AFAP1L2: variants seen among roughly 807,000 people sequenced by gnomAD.
AFAP1L2 encodes actin filament associated protein 1 like 2.
In AFAP1L2, 46 loss-of-function variants were observed where a neutral mutation model predicts 99.3. The observed-to-expected ratio is 0.46, with a 90% CI of 0.37 to 0.59. AFAP1L2 has a LOEUF of 0.59. AFAP1L2 is among the 20% of genes least tolerant of loss of function. AFAP1L2 has a pLI of 0.00. For synonymous variants in AFAP1L2, 397 were observed against 419.1 expected (o/e 0.95, Z 0.64); for missense variants, 959 against 1,034.9 (o/e 0.93, Z 1.01).
chr10:114,303,540 C>T (rs1373170024), intron 11 of AFAP1L2, among the ~76,000 whole-genome samples: 1 of 152,218 alleles, frequency 6.6e-6, no homozygotes, highest in Non-Finnish European at 1.5e-5. Flanking sequence ...CTCCTGACCT[C>T]GGGTGATCCA....
intron 1 of AFAP1L2, among the ~76,000 whole-genome samples, chr10:114,341,730 C>G (rs2048858408): frequency 6.6e-6 from 1 of 152,212 alleles, no homozygotes; most frequent in African/African-American, 2.4e-5. Flanking sequence ...CTGTCATACT[C>G]CACAGCCCGG....
chr10:114,395,752 G>A (rs1203955282), intron 1 of AFAP1L2, among the ~76,000 whole-genome samples: 2 of 152,070 alleles, frequency 1.3e-5, no homozygotes, highest in Non-Finnish European at 2.9e-5. Context: ...TTGTGGCAGA[G>A]GTGTGCAGCC....
At chr10:114,345,199 T>TCGGG (rs1227716220) in intron 1 of AFAP1L2, among the ~76,000 whole-genome samples, 4 of 120,530 alleles carry the variant, frequency 3.3e-5, no homozygotes, top group East Asian at 3.4e-4. Flanking sequence ...GCTCTGTGTA[T>TCGGG]CGGGGGAACA....
downstream of AFAP1L2, among the ~76,000 whole-genome samples, chr10:114,294,105 A>G (rs1460566159): frequency 6.6e-6 from 1 of 152,156 alleles, no homozygotes; most frequent in African/African-American, 2.4e-5. Flanking sequence ...TCAATCATTG[A>G]ACAACCCTTG....
intron 2 of AFAP1L2, among the ~76,000 whole-genome samples, chr10:114,339,446 C>CAA (rs55974403): frequency 6.8e-6 from 1 of 147,802 alleles, no homozygotes; most frequent in African/African-American, 2.5e-5. Flanking sequence ...GACTCCGTCT[C>CAA]AAAAAAAAAA....
chr10:114,284,037 A>G, the AFAP1L2 span, among the ~76,000 whole-genome samples: 1 of 152,204 alleles, frequency 6.6e-6, no homozygotes, highest in Non-Finnish European at 1.5e-5. Flanking sequence ...GTTTTCTGTA[A>G]CCCTGGGAAG....
At chr10:114,325,360 G>C (rs959002867) in intron 4 of AFAP1L2, among the ~76,000 whole-genome samples, 5 of 152,184 alleles carry the variant, frequency 3.3e-5, no homozygotes, top group Non-Finnish European at 5.9e-5. Flanking sequence ...GGCAGTTAAT[G>C]TGTTGTCCTG....
chr10:114,344,663 G>A (rs2049255828), intron 1 of AFAP1L2, among the ~76,000 whole-genome samples: 1 of 152,182 alleles, frequency 6.6e-6, no homozygotes, highest in Admixed American at 6.5e-5. Flanking sequence ...GGTGAGAAGA[G>A]AACTAATCAA....
rs1264618623 is a variant in AFAP1L2 at position 114,300,227 on chromosome 10, G to A, written c.1924C>T (p.Pro642Ser). ...VVATPPGASP[P>S]VKDRLRVTSA... ...GTCACGCGCAACCTGTCCTTCACAG[G>A]TGGGCTGGCACCAGGTGGGGTGGCC... Residue 642 changes from proline to serine, a missense_variant, in exon 15 of 19, where the codon CCT (proline) becomes TCT (serine). Pro to Ser is a moderately conservative substitution (Grantham distance 74). Transcript: ENST00000304129. The A allele has an allele frequency of 1.2e-6, 2 of 1,614,026 alleles. No individual in the cohort carries two copies. Among genetic ancestry groups the A allele is most frequent in the Middle Eastern group, 1.6e-4 (1 of 6,084 alleles).
At chr10:114,288,943 C>T in the AFAP1L2 span, 9 of 1,604,764 alleles carry the variant, frequency 5.6e-6, no homozygotes, top group South Asian at 4.5e-5. Flanking sequence ...TGCAGGGTGC[C>T]GGACACAAGC....
intron 1 of AFAP1L2, among the ~76,000 whole-genome samples, chr10:114,344,542 C>T (rs1214365076): frequency 1.3e-5 from 2 of 152,170 alleles, no homozygotes; most frequent in African/African-American, 2.4e-5. Flanking sequence ...TTCTATTTCA[C>T]GTGAGCCAAT....
chr10:114,281,783 A>G, the AFAP1L2 span: 629 of 982,664 alleles, frequency 6.4e-4, 1 homozygote, highest in African/African-American at 0.01. Flanking sequence ...TTTAAGGAAT[A>G]CAGTTGAAAA....
intron 1 of AFAP1L2, among the ~76,000 whole-genome samples, chr10:114,348,508 C>T (rs2049950719): frequency 6.6e-6 from 1 of 152,208 alleles, no homozygotes; most frequent in Non-Finnish European, 1.5e-5. Context: ...TGCTACATAG[C>T]ATTCCATCGT....
At chr10:114,371,041 G>A (rs990652293) in intron 1 of AFAP1L2, among the ~76,000 whole-genome samples, 2 of 152,180 alleles carry the variant, frequency 1.3e-5, no homozygotes, top group Non-Finnish European at 2.9e-5. Flanking sequence ...GGGGACTGCA[G>A]CAATACTGTG....
intron 1 of AFAP1L2, among the ~76,000 whole-genome samples, chr10:114,368,767 AACACACACACAC>A (rs34854872): frequency 0.056 from 7,921 of 140,688 alleles, 284 homozygotes; most frequent in South Asian, 0.12. Flanking sequence ...GTGTCCTTAC[AACACACACACAC>A]ACACACACAC....
chr10:114,299,244 C>T lies in AFAP1L2; in HGVS notation c.2113+16G>A, dbSNP rs770859983. Reference sequence around the variant, plus strand: ...CCTCTGAGCTGAGGGTCCCTCCCCACTGGGGGCCCCCTTACCTGTGCATTT... The same window carrying T: ...CCTCTGAGCTGAGGGTCCCTCCCCATTGGGGGCCCCCTTACCTGTGCATTT... On this transcript the variant is annotated intron_variant, in intron 16 of 18. Transcript: ENST00000304129. 2.5e-6 allele frequency: 4 copies of T among 1,613,658 alleles called. No homozygotes were observed. The highest frequency in any genetic ancestry group is 3.4e-6 in the Non-Finnish European group (4 of 1,179,828).
At chr10:114,288,232 C>A in the AFAP1L2 span, among the ~76,000 whole-genome samples, 25 of 152,312 alleles carry the variant, frequency 1.6e-4, no homozygotes, top group Middle Eastern at 3.4e-3. Flanking sequence ...GAAGCTCTGA[C>A]CCCTTCTCCC....
chr10:114,313,771 A>G (rs2043644490), intron 7 of AFAP1L2, 100 bp downstream of exon 7: 1 of 1,257,702 alleles, frequency 8.0e-7, no homozygotes, highest in Non-Finnish European at 1.1e-6. Context: ...AACTTGAAGG[A>G]TCACAAATCC....
intron 7 of AFAP1L2, among the ~76,000 whole-genome samples, chr10:114,311,503 C>T (rs542790930): frequency 6.6e-6 from 1 of 152,352 alleles, no homozygotes; most frequent in East Asian, 1.9e-4. Context: ...AGAGCACAGG[C>T]ACTAGGGTTG....
Sources: gnomAD v4.1 joint callset for allele counts (sites outside exome capture counted in the v4.1 genomes callset) on GRCh38, gnomAD v4.1.1 for gene constraint, MANE v1.5 for transcripts, NCBI Gene and HGNC (gene_info 2026-07-23, HGNC 2026-07-21) for gene names.